CNTN4: variants seen among roughly 807,000 people sequenced by gnomAD.
CNTN4 encodes contactin-4.
Under a neutral mutation model 122.5 loss-of-function variants are expected in CNTN4, and 77 were observed. The observed-to-expected ratio is 0.63, with a 90% CI of 0.52 to 0.76. CNTN4 has a LOEUF of 0.76. CNTN4 is among the 30% of genes least tolerant of loss of function. The probability of loss-of-function intolerance (pLI) is 0.00; values close to 1 mark genes in which losing one functional copy is unlikely to be tolerated. For missense variants in CNTN4, 1,256 were observed against 1,259.1 expected, an observed-to-expected ratio of 1.00 and a Z score of 0.04; for synonymous variants, 512 against 447.0, an observed-to-expected ratio of 1.15 and a Z score of -1.83.
intron 6 of CNTN4, among the ~76,000 whole-genome samples, chr3:2,818,483 A>C (rs907027694): frequency 6.6e-6 from 1 of 152,202 alleles, no homozygotes; most frequent in Non-Finnish European, 1.5e-5. Flanking sequence ...GATGGTTTGC[A>C]ACCCTGCACA....
intron 11 of CNTN4, among the ~76,000 whole-genome samples, chr3:2,901,930 G>C (rs982556279): frequency 6.6e-6 from 1 of 152,114 alleles, no homozygotes; most frequent in African/African-American, 2.4e-5. Flanking sequence ...TTGAGGATCA[G>C]CCTCCTGAGG....
intron 2 of CNTN4, among the ~76,000 whole-genome samples, chr3:2,121,201 T>C (rs988855563): frequency 1.3e-5 from 2 of 151,996 alleles, no homozygotes; most frequent in Admixed American, 1.3e-4. Context: ...GCACTGGATA[T>C]GGTGAATATA....
At chr3:2,449,993 A>C (rs1448335927) in intron 3 of CNTN4, among the ~76,000 whole-genome samples, 2 of 152,204 alleles carry the variant, frequency 1.3e-5, no homozygotes, top group African/African-American at 4.8e-5. Flanking sequence ...TCAGTCAGGC[A>C]AGATGAAAAA....
chr3:2,899,378 T>G (rs777170922), intron 10 of CNTN4, among the ~76,000 whole-genome samples: 2 of 152,236 alleles, frequency 1.3e-5, no homozygotes, highest in Admixed American at 6.5e-5. Flanking sequence ...CCTAATTAAA[T>G]ACTGATATCA....
At chr3:2,683,118 C>T (rs1345132894) in intron 4 of CNTN4, among the ~76,000 whole-genome samples, 2 of 152,076 alleles carry the variant, frequency 1.3e-5, no homozygotes, top group African/African-American at 4.8e-5. Flanking sequence ...TGCCCATCTC[C>T]CAGAGTGTCA....
chr3:2,175,265 C>G (rs974927738), intron 2 of CNTN4, among the ~76,000 whole-genome samples: 7 of 137,942 alleles, frequency 5.1e-5, no homozygotes, highest in African/African-American at 1.7e-4. Context: ...TTCTTTGTGA[C>G]CTTGGATTTT....
intron 2 of CNTN4, among the ~76,000 whole-genome samples, chr3:2,149,917 C>G (rs567581427): frequency 1.3e-4 from 20 of 150,710 alleles, no homozygotes; most frequent in African/African-American, 4.6e-4. Context: ...GGTTGTCAGG[C>G]AGACCTTTGC....
At chr3:2,722,817 T>G (rs2087945357) in intron 4 of CNTN4, among the ~76,000 whole-genome samples, 1 of 152,228 alleles carries the variant, frequency 6.6e-6, no homozygotes, top group South Asian at 2.1e-4. Flanking sequence ...TTTGAAAGGT[T>G]ATAAATCCCC....
intron 3 of CNTN4, among the ~76,000 whole-genome samples, chr3:2,454,961 A>G (rs909436092): frequency 6.6e-6 from 1 of 152,180 alleles, no homozygotes; most frequent in African/African-American, 2.4e-5. Flanking sequence ...TAAAAGATAA[A>G]AGAGTCTTTG....
At chr3:2,802,041 C>G (rs1302806001) in intron 6 of CNTN4, among the ~76,000 whole-genome samples, 1 of 152,180 alleles carries the variant, frequency 6.6e-6, no homozygotes, top group Non-Finnish European at 1.5e-5. Context: ...ATTATTACAA[C>G]TACTTCTAAT....
chr3:2,253,428 G>A (rs2200667), intron 2 of CNTN4, among the ~76,000 whole-genome samples: 106,872 of 144,412 alleles, frequency 0.74, 37,795 homozygotes, highest in South Asian at 0.83. Flanking sequence ...TTTAGTGAAC[G>A]AAACAAAAGA....
chr3:2,159,419 C>G (rs187140275), intron 2 of CNTN4, among the ~76,000 whole-genome samples: 1 of 152,080 alleles, frequency 6.6e-6, no homozygotes, highest in African/African-American at 2.4e-5. Flanking sequence ...GGTTCTTTTT[C>G]AAGCTTTTCA....
chr3:2,203,989 G>T (rs763946071), intron 2 of CNTN4, among the ~76,000 whole-genome samples: 1 of 151,986 alleles, frequency 6.6e-6, no homozygotes, highest in Non-Finnish European at 1.5e-5. Flanking sequence ...AATATGAGTG[G>T]TATGAGTGTA....
At chr3:2,869,435 A>C (rs2093760988) in intron 8 of CNTN4, among the ~76,000 whole-genome samples, 1 of 152,208 alleles carries the variant, frequency 6.6e-6, no homozygotes, top group African/African-American at 2.4e-5. Flanking sequence ...GTGGAAGAGA[A>C]AATCAAGGAT....
chr3:2,141,445 C>T (rs1403253172), intron 2 of CNTN4, among the ~76,000 whole-genome samples: 1 of 152,160 alleles, frequency 6.6e-6, no homozygotes, highest in Non-Finnish European at 1.5e-5. Context: ...AACAGACTCT[C>T]TGATAGACCC....
intron 2 of CNTN4, among the ~76,000 whole-genome samples, chr3:2,269,342 C>A (rs552316078): frequency 6.6e-6 from 1 of 152,200 alleles, no homozygotes; most frequent in South Asian, 2.1e-4. Context: ...AACATATGTT[C>A]TCCTGGATGA....
At chr3:2,682,610 G>T (rs1417293938) in intron 4 of CNTN4, among the ~76,000 whole-genome samples, 5 of 152,094 alleles carry the variant, frequency 3.3e-5, no homozygotes, top group Non-Finnish European at 7.4e-5. Context: ...GAAGCAAAGT[G>T]TATAAAGTAT....
At chr3:3,047,329 T>A (rs1700762744) in intron 23 of CNTN4, among the ~76,000 whole-genome samples, 1 of 152,188 alleles carries the variant, frequency 6.6e-6, no homozygotes, top group African/African-American at 2.4e-5. Flanking sequence ...TATACATTCT[T>A]CTCAGCACCA....
chr3:2,464,532 G>C (rs1023951684), intron 3 of CNTN4, among the ~76,000 whole-genome samples: 1 of 152,230 alleles, frequency 6.6e-6, no homozygotes, highest in African/African-American at 2.4e-5. Context: ...AGGAAGAGGA[G>C]TGACTAAAGA....
Sources: gnomAD v4.1 joint callset for allele counts (sites outside exome capture counted in the v4.1 genomes callset) on GRCh38, gnomAD v4.1.1 for gene constraint, MANE v1.5 for transcripts, NCBI Gene and HGNC (gene_info 2026-07-23, HGNC 2026-07-21) for gene names.